The following SPRR2G variants were observed in gnomAD, a reference collection of about 807,000 sequenced individuals.
SPRR2G encodes small proline-rich protein 2G.
Under a neutral mutation model 0.7 loss-of-function variants are expected in SPRR2G, and 1 was observed. The ratio of observed to expected loss-of-function variants is 1.49; its 90% CI spans 0.53 to 7.06. SPRR2G has a LOEUF of 7.06. Ranked by LOEUF, SPRR2G falls within the 30% of genes most tolerant of loss-of-function variation. The probability of loss-of-function intolerance (pLI) is 0.14; values close to 1 mark genes in which losing one functional copy is unlikely to be tolerated. For synonymous variants in SPRR2G, 38 were observed against 33.9 expected, an observed-to-expected ratio of 1.12 and a Z score of -0.42; for missense variants, 96 against 88.5, an observed-to-expected ratio of 1.09 and a Z score of -0.34.
chr1:153,177,824 T>C, the SPRR2G span, among the ~76,000 whole-genome samples: 2 of 152,114 alleles, frequency 1.3e-5, no homozygotes, highest in African/African-American at 2.4e-5. Flanking sequence ...TTCTAGATTC[T>C]TTGAATTTCC....
chr1:153,157,493 A>G, the SPRR2G span, among the ~76,000 whole-genome samples: 1 of 152,212 alleles, frequency 6.6e-6, no homozygotes, highest in African/African-American at 2.4e-5. Flanking sequence ...TTGAGGTATA[A>G]TTGATATATA....
upstream of SPRR2G, among the ~76,000 whole-genome samples, chr1:153,152,380 C>CGCTATCTG (rs370620799): frequency 3.9e-3 from 591 of 152,234 alleles, 8 homozygotes; most frequent in African/African-American, 0.013. Context: ...AAGCCCCTCT[C>CGCTATCTG]AGGGAAGATT....
At chr1:153,170,564 G>A in the SPRR2G span, among the ~76,000 whole-genome samples, 4 of 152,240 alleles carry the variant, frequency 2.6e-5, no homozygotes, top group Non-Finnish European at 5.9e-5. Flanking sequence ...ATCAACTCCA[G>A]AAGACTACTG....
chr1:153,199,717 A>AT, the SPRR2G span, among the ~76,000 whole-genome samples: 2 of 152,162 alleles, frequency 1.3e-5, no homozygotes, highest in South Asian at 2.1e-4. Context: ...CTGAAATAAG[A>AT]TTTTTTTTAT....
At chr1:153,154,079 A>G (rs959927069), upstream of SPRR2G, among the ~76,000 whole-genome samples, 4 of 151,774 alleles carry the variant, frequency 2.6e-5, no homozygotes. Context: ...AGATTATCAT[A>G]CAATTTGTAT....
At chr1:153,151,439 C>T (rs1211645440), upstream of SPRR2G, among the ~76,000 whole-genome samples, 1 of 152,166 alleles carries the variant, frequency 6.6e-6, no homozygotes, top group Non-Finnish European at 1.5e-5. Context: ...GCTGACAGCC[C>T]CAACCTGGGT....
the SPRR2G span, chr1:153,190,391 G>C: frequency 1.3e-5 from 2 of 152,258 alleles, no homozygotes; most frequent in African/African-American, 2.4e-5. Context: ...GATGCTACCT[G>C]TCTTCAGATT....
At chr1:153,170,342 T>C in the SPRR2G span, among the ~76,000 whole-genome samples, 1 of 152,240 alleles carries the variant, frequency 6.6e-6, no homozygotes, top group Non-Finnish European at 1.5e-5. Context: ...ATTAGTTATC[T>C]AACTTATGGC....
the SPRR2G span, among the ~76,000 whole-genome samples, chr1:153,172,940 C>G: frequency 6.6e-6 from 1 of 152,128 alleles, no homozygotes; most frequent in African/African-American, 2.4e-5. Context: ...TAGTTAAGTG[C>G]ATAAATAGAC....
chr1:153,195,264 G>T, the SPRR2G span, among the ~76,000 whole-genome samples: 1 of 152,164 alleles, frequency 6.6e-6, no homozygotes, highest in Non-Finnish European at 1.5e-5. Flanking sequence ...ACAAAGCCCA[G>T]AAATTACCTT....
In SPRR2G at chr1:153,150,015, G is replaced by A; in HGVS notation, c.96C>T (p.Cys32=). Residue 32 remains cysteine, a synonymous_variant, in exon 2 of 2, where the codon TGC becomes TGT. Coordinates refer to ENST00000368748, the MANE Select transcript of SPRR2G (RefSeq NM_001014291.4). ...AAGGAGGAGGCAGGTAAGGCTCAGG[G>A]CACTTCGGGGGTGGACATGGCTCTG... ...KCPEPCPPPK[C]PEPYLPPPCP... is the part of the protein sequence containing the mutation. 1.9e-6 allele frequency: 3 copies of A among 1,613,880 alleles called. No individual in the cohort carries two copies. The highest frequency in any genetic ancestry group is 2.5e-6 in the Non-Finnish European group (3 of 1,179,950).
the SPRR2G span, among the ~76,000 whole-genome samples, chr1:153,198,244 G>A: frequency 2.2e-4 from 33 of 152,268 alleles, no homozygotes; most frequent in African/African-American, 6.5e-4. Context: ...CAGAATCTAC[G>A]GTAAAAGTAG....
chr1:153,182,454 G>A, the SPRR2G span, among the ~76,000 whole-genome samples: 3,645 of 151,924 alleles, frequency 0.024, 124 homozygotes, highest in African/African-American at 0.071. Context: ...CATTTGCCAT[G>A]GTGGTTTGCT....
the SPRR2G span, among the ~76,000 whole-genome samples, chr1:153,197,568 C>G: frequency 1.3e-5 from 2 of 152,260 alleles, no homozygotes; most frequent in South Asian, 4.1e-4. Context: ...AGGCCCTGGC[C>G]CAGCACTAAA....
chr1:153,195,897 ACCTTCCCAGGCCACTGGG>A, the SPRR2G span, among the ~76,000 whole-genome samples: 5 of 152,048 alleles, frequency 3.3e-5, no homozygotes, highest in Admixed American at 6.5e-5. Flanking sequence ...CAAGGAGAAG[ACCTTCCCAGGCCACTGGG>A]CCTCCATAGG....
the SPRR2G span, among the ~76,000 whole-genome samples, chr1:153,181,887 A>C: frequency 3.3e-5 from 5 of 152,040 alleles, no homozygotes; most frequent in African/African-American, 1.2e-4. Flanking sequence ...AAACATTAGG[A>C]TGTGTATATC....
the SPRR2G span, among the ~76,000 whole-genome samples, chr1:153,156,167 G>T: frequency 6.6e-6 from 1 of 152,158 alleles, no homozygotes; most frequent in Non-Finnish European, 1.5e-5. Context: ...AGTTCTGAGG[G>T]AAAGAATATG....
At chr1:153,188,849 G>A in the SPRR2G span, among the ~76,000 whole-genome samples, 1 of 152,180 alleles carries the variant, frequency 6.6e-6, no homozygotes, top group Non-Finnish European at 1.5e-5. Context: ...CCAAAACCAT[G>A]GGTAGTATCT....
At chr1:153,163,422 G>A in the SPRR2G span, among the ~76,000 whole-genome samples, 3 of 152,218 alleles carry the variant, frequency 2.0e-5, no homozygotes, top group South Asian at 2.1e-4. Context: ...AACATCACAC[G>A]CCTACCTATA....
Sources: gnomAD v4.1 joint callset for allele counts (sites outside exome capture counted in the v4.1 genomes callset) on GRCh38, gnomAD v4.1.1 for gene constraint, MANE v1.5 for transcripts, NCBI Gene and HGNC (gene_info 2026-07-23, HGNC 2026-07-21) for gene names.